The following CDH18 variants were observed in gnomAD, a reference collection of about 807,000 sequenced individuals.
CDH18 encodes cadherin-18.
In CDH18, 31 loss-of-function variants were observed where a neutral mutation model predicts 67.9. The ratio of observed to expected loss-of-function variants is 0.46; its 90% confidence interval spans 0.34 to 0.62. The LOEUF is 0.62. Among genes scored for constraint, CDH18 ranks in the 20% least tolerant of loss-of-function variants. The pLI is 0.01. For synonymous variants in CDH18, 362 were observed against 347.2 expected (o/e 1.04, Z -0.48); for missense variants, 890 against 975.5 (o/e 0.91, Z 1.17).
chr5:19,968,129 T>G (rs1292418189), intron 2 of CDH18, among the ~76,000 whole-genome samples: 1 of 151,786 alleles, frequency 6.6e-6, no homozygotes, highest in Non-Finnish European at 1.5e-5. Flanking sequence ...GAATCCAACT[T>G]ACAAGGGACG....
At chr5:19,961,353 C>T (rs563928880) in intron 2 of CDH18, among the ~76,000 whole-genome samples, 1 of 152,046 alleles carries the variant, frequency 6.6e-6, no homozygotes, top group South Asian at 2.1e-4. Context: ...GTGATCCACC[C>T]GCCTCGGCCT....
intron 1 of CDH18, among the ~76,000 whole-genome samples, chr5:20,437,431 T>C (rs550142683): frequency 3.3e-5 from 5 of 151,514 alleles, no homozygotes; most frequent in Admixed American, 3.3e-4. Flanking sequence ...AGAAAGTTAC[T>C]AGATGAATAA....
At chr5:20,169,172 A>G (rs1736509680) in intron 2 of CDH18, among the ~76,000 whole-genome samples, 1 of 152,120 alleles carries the variant, frequency 6.6e-6, no homozygotes, top group Non-Finnish European at 1.5e-5. Flanking sequence ...TAAATGCTTG[A>G]GGGGATGGAT....
chr5:20,527,426 T>A (rs764155567), intron 1 of CDH18, among the ~76,000 whole-genome samples: 13 of 151,770 alleles, frequency 8.6e-5, no homozygotes, highest in Non-Finnish European at 1.8e-4. Flanking sequence ...AATAAGATAT[T>A]CCACAAGATC....
intron 10 of CDH18, 138 bp from the exon 11 acceptor site, chr5:19,503,247 C>T (rs1261194064): frequency 1.7e-6 from 1 of 595,102 alleles, no homozygotes; most frequent in Non-Finnish European, 3.0e-6. Flanking sequence ...AAATTCAGGT[C>T]ATAAAACAAT....
chr5:19,700,992 A>G (rs1165977368), intron 5 of CDH18, among the ~76,000 whole-genome samples: 1 of 152,170 alleles, frequency 6.6e-6, no homozygotes, highest in East Asian at 1.9e-4. Context: ...CAAAAAAATA[A>G]GCATCGATCA....
At position 20,242,636 on chromosome 5, in the gene CDH18, A is replaced by ATATATACATG. The variant is rs1743059304; in HGVS notation, c.-518+12807_-518+12808insCATGTATATA. 4.5e-4 allele frequency among the ~76,000 whole-genome samples: 26 copies of ATATATACATG among 58,370 alleles called. 1 individual carries two copies. Among genetic ancestry groups the ATATATACATG allele is most frequent in the African/African-American group, 1.3e-3 (14 of 10,886 alleles). The allele number at this position is 58,370 out of a possible 152,430, so 38.3% of individuals were successfully genotyped here. A position where few individuals can be genotyped will look rare whatever the true frequency, so the allele number is the denominator to read the frequency against. On this transcript the variant is annotated intron_variant, in intron 2 of 14. Transcript: ENST00000507958. ...AATATATATATATATATATATATGT[A>ATATATACATG]TATATATATATATATGTAAATGGAC...
chr5:20,253,731 C>T (rs1333009659), intron 2 of CDH18, among the ~76,000 whole-genome samples: 1 of 152,086 alleles, frequency 6.6e-6, no homozygotes, highest in East Asian at 1.9e-4. Flanking sequence ...ACAAAATCTC[C>T]AAGCAATATG....
intron 1 of CDH18, among the ~76,000 whole-genome samples, chr5:20,290,598 G>T (rs1747030695): frequency 6.6e-6 from 1 of 152,104 alleles, no homozygotes; most frequent in African/African-American, 2.4e-5. Context: ...GTAATTTCCA[G>T]GATAATAATA....
chr5:20,045,556 G>A (rs1740822885), intron 2 of CDH18, among the ~76,000 whole-genome samples: 2 of 151,278 alleles, frequency 1.3e-5, no homozygotes, highest in South Asian at 2.1e-4. Context: ...AAGGAACTAA[G>A]GTCATGCAAA....
chr5:19,926,294 TA>T (rs1306017956), intron 2 of CDH18, among the ~76,000 whole-genome samples: 2 of 152,160 alleles, frequency 1.3e-5, no homozygotes, highest in Non-Finnish European at 2.9e-5. Context: ...TTTAAAACTA[TA>T]AAACAAATAA....
At chr5:20,202,072 A>G (rs1046898607) in intron 2 of CDH18, among the ~76,000 whole-genome samples, 4 of 152,212 alleles carry the variant, frequency 2.6e-5, no homozygotes, top group Non-Finnish European at 5.9e-5. Context: ...AATCAGGGAC[A>G]GAAAGTACAA....
At chr5:20,278,009 C>G (rs1745935097) in intron 1 of CDH18, among the ~76,000 whole-genome samples, 2 of 152,030 alleles carry the variant, frequency 1.3e-5, no homozygotes, top group Admixed American at 1.3e-4. Flanking sequence ...TGAAGCCTAC[C>G]TGCCACATCT....
Position 20,231,676 on chromosome 5 carries a change from G to A in CDH18, c.-518+23768C>T, listed in dbSNP as rs151332386. On this transcript the variant is annotated intron_variant, in intron 2 of 14. Transcript: ENST00000507958. ...AAAGAAATCACTGGATAATATCATC[G>A]TTTTACAAATTTTGAAATAAGGTCT... Among the ~76,000 whole-genome samples, 523 of 151,920 alleles carry A rather than the reference G, an allele frequency of 3.4e-3. 3 individuals carry two copies. Among genetic ancestry groups the A allele is most frequent in the Non-Finnish European group, 5.3e-3 (361 of 67,922 alleles).
chr5:20,073,344 C>A (rs992914406), intron 2 of CDH18, among the ~76,000 whole-genome samples: 5 of 151,892 alleles, frequency 3.3e-5, no homozygotes, highest in African/African-American at 1.2e-4. Context: ...CAGTACCTTA[C>A]CTTACTATGC....
intron 1 of CDH18, among the ~76,000 whole-genome samples, chr5:20,527,703 C>A (rs757515997): frequency 2.0e-5 from 3 of 152,042 alleles, no homozygotes; most frequent in Non-Finnish European, 4.4e-5. Flanking sequence ...TTCACACAAG[C>A]AAAACCTGAG....
intron 1 of CDH18, among the ~76,000 whole-genome samples, chr5:20,282,794 A>T (rs1399218487): frequency 6.6e-6 from 1 of 152,166 alleles, no homozygotes; most frequent in African/African-American, 2.4e-5. Flanking sequence ...CCTAAAGTTT[A>T]TATGAAACAC....
At chr5:20,017,248 T>A (rs1737956820) in intron 2 of CDH18, among the ~76,000 whole-genome samples, 1 of 152,164 alleles carries the variant, frequency 6.6e-6, no homozygotes, top group Non-Finnish European at 1.5e-5. Flanking sequence ...AGTCATTTTC[T>A]TTTTCTTAAA....
At chr5:19,492,829 C>T (rs948213270) in intron 11 of CDH18, among the ~76,000 whole-genome samples, 1 of 151,930 alleles carries the variant, frequency 6.6e-6, no homozygotes, top group African/African-American at 2.4e-5. Flanking sequence ...CAGATAAATA[C>T]GGAGGATTTC....
Sources: gnomAD v4.1 joint callset for allele counts (sites outside exome capture counted in the v4.1 genomes callset) on GRCh38, gnomAD v4.1.1 for gene constraint, MANE v1.5 for transcripts, NCBI Gene and HGNC (gene_info 2026-07-23, HGNC 2026-07-21) for gene names.